The following TRIOBP variants were observed in gnomAD, a reference collection of about 807,000 sequenced individuals.
TRIOBP encodes the protein TRIO and F-actin binding protein.
In TRIOBP, 169 loss-of-function variants were observed where a neutral mutation model predicts 238.8. That is an observed-to-expected ratio of 0.71 (90% CI 0.62 to 0.80). The LOEUF is 0.80. Ranked by LOEUF, TRIOBP falls within the 30% of genes least tolerant of loss-of-function variation. The pLI, the probability that TRIOBP is intolerant of heterozygous loss-of-function variation, is 0.00. For synonymous variants in TRIOBP, 1,150 were observed against 1,274.4 expected (o/e 0.90, Z 2.08); for missense variants, 2,838 against 3,122.6 (o/e 0.91, Z 2.17).
At chr22:37,739,168 T>C (rs1280487830) in intron 10 of TRIOBP, among the ~76,000 whole-genome samples, 1 of 151,922 alleles carries the variant, frequency 6.6e-6, no homozygotes, top group Admixed American at 6.6e-5. Flanking sequence ...GAGAGATATG[T>C]GCGGGGGTGG....
chr22:37,750,482 A>G (rs768776509), intron 11 of TRIOBP, among the ~76,000 whole-genome samples: 28 of 152,188 alleles, frequency 1.8e-4, no homozygotes, highest in Admixed American at 5.9e-4. Context: ...GGGGAAGTGG[A>G]GCCAGGTGTG....
At chr22:37,719,438 T>C (rs775996405) in intron 6 of TRIOBP, among the ~76,000 whole-genome samples, 3 of 151,830 alleles carry the variant, frequency 2.0e-5, no homozygotes, top group Non-Finnish European at 4.4e-5. Context: ...TTGCGAGCCC[T>C]GAGGAAGAGG....
chr22:37,744,454 G>A (rs1925116384), intron 11 of TRIOBP, among the ~76,000 whole-genome samples: 1 of 152,210 alleles, frequency 6.6e-6, no homozygotes, highest in Admixed American at 6.5e-5. Context: ...CTGCCTAGAA[G>A]AGGAATGTAG....
At chr22:37,752,541 C>G (rs534073128) in intron 12 of TRIOBP, among the ~76,000 whole-genome samples, 1 of 152,360 alleles carries the variant, frequency 6.6e-6, no homozygotes, top group East Asian at 1.9e-4. Flanking sequence ...CTGCATGCGC[C>G]TGCTGCTCTG....
intron 17 of TRIOBP, among the ~76,000 whole-genome samples, chr22:37,762,847 G>C (rs544642547): frequency 4.6e-5 from 7 of 152,172 alleles, no homozygotes; most frequent in African/African-American, 1.7e-4. Context: ...CTTCCTTCAG[G>C]GGTTGGGGGC....
Position 37,774,889 on chromosome 22 carries a change from G to C in TRIOBP, c.*1109G>C, listed in dbSNP as rs1926959948. The C allele has an allele frequency of 6.6e-6, 1 of 152,172 alleles. No homozygotes were observed. Among genetic ancestry groups the C allele is most frequent in the Non-Finnish European group, 1.5e-5 (1 of 68,062 alleles). The allele number at this position is 152,172 out of a possible 1,614,324, so 9.4% of individuals were successfully genotyped here. A position where few individuals can be genotyped will look rare whatever the true frequency, so the allele number is the denominator to read the frequency against. ...AAGACTAGCCCTGACCATGACCTTG[G>C]GCAAGTCACACCCCTCACTGAGCCT... On this transcript the variant is annotated 3_prime_UTR_variant, in exon 24 of 24. Coordinates refer to ENST00000644935, the MANE Select transcript of TRIOBP (RefSeq NM_001039141.3).
At chr22:37,704,404 GAA>G (rs1922820185) in intron 3 of TRIOBP, among the ~76,000 whole-genome samples, 1 of 26,248 alleles carries the variant, frequency 3.8e-5, no homozygotes, top group Non-Finnish European at 1.7e-4. Context: ...GAACAGAACA[GAA>G]CAGAACAGAA....
intron 11 of TRIOBP, among the ~76,000 whole-genome samples, chr22:37,742,249 C>A (rs1202802226): frequency 1.4e-5 from 2 of 144,296 alleles, no homozygotes; most frequent in African/African-American, 2.6e-5. Context: ...TGAGCCACCA[C>A]GCCAGGCGTT....
Position 37,765,578 on chromosome 22 carries a change from C to T in TRIOBP, c.6325-92C>T, listed in dbSNP as rs545816167. The stretch of plus-strand genomic sequence containing the variant: ...CTGGGACCCAGGAGGAGGTGGTGTA[C>T]CTGCCCCTGAGCCTTCTCCTCTGGA... On this transcript the variant is annotated intron_variant, in intron 17 of 23. Coordinates refer to ENST00000644935, the MANE Select transcript of TRIOBP (RefSeq NM_001039141.3). 1.1e-4 allele frequency: 160 copies of T among 1,520,898 alleles called. No individual in the cohort carries two copies. In the African/African-American group the frequency reaches 2.0e-3, roughly 19 times the overall value. 94.2% of individuals were successfully genotyped at this position (1,520,898 alleles called of 1,614,324 possible). A position where few individuals can be genotyped will look rare whatever the true frequency, so the allele number is the denominator to read the frequency against.
At chr22:37,770,885 T>C (rs765857613) in intron 21 of TRIOBP, among the ~76,000 whole-genome samples, 38 of 151,922 alleles carry the variant, frequency 2.5e-4, no homozygotes, top group Non-Finnish European at 4.7e-4. Context: ...GGTTTCACCA[T>C]GTTAGCCGGG....
At chr22:37,759,308 T>C (rs1395493365) in intron 17 of TRIOBP, 44 bp downstream of exon 17, 1 of 1,581,196 alleles carries the variant, frequency 6.3e-7, no homozygotes, top group African/African-American at 1.3e-5. Context: ...GGCAGATTTC[T>C]GCTTGCCGTG....
rs770202790 is a variant in TRIOBP, at chr22:37,772,714, G to A, written c.7050G>A (p.Met2350Ile). The A allele has an allele frequency of 6.2e-7, 1 of 1,614,046 alleles. No homozygotes were observed. The highest frequency in any genetic ancestry group is 8.5e-7 in the Non-Finnish European group (1 of 1,180,022). Reference sequence around the variant, plus strand: ...TGAAGGAGCACCTGCGTCTTGCCATGGCCGCCCTCCAGGAGAAGGAGTCGA... The same window carrying A: ...TGAAGGAGCACCTGCGTCTTGCCATAGCCGCCCTCCAGGAGAAGGAGTCGA... ...EQLKEHLRLA[M>I]AALQEKESMR... Residue 2350 changes from methionine (M) to isoleucine (I), a missense_variant, in exon 23 of 24, where the codon ATG becomes ATA. By Grantham distance (10) the Met-to-Ile change is conservative. Coordinates refer to ENST00000644935, the MANE Select transcript of TRIOBP (RefSeq NM_001039141.3).
At chr22:37,751,667 G>T in intron 11 of TRIOBP, 105 bp from the exon 12 acceptor site, 8 of 1,339,612 alleles carry the variant, frequency 6.0e-6, no homozygotes, top group Non-Finnish European at 8.5e-6. Context: ...CCAGGAGCTC[G>T]GTCCCACAGG....
intron 5 of TRIOBP, among the ~76,000 whole-genome samples, chr22:37,715,385 C>T (rs967260695): frequency 2.0e-5 from 3 of 151,480 alleles, no homozygotes; most frequent in African/African-American, 7.3e-5. Context: ...CTCTGTCACC[C>T]AGGCTGGAGC....
At chr22:37,769,523 T>C in intron 21 of TRIOBP, 148 bp downstream of exon 21, 1 of 778,390 alleles carries the variant, frequency 1.3e-6, no homozygotes, top group Non-Finnish European at 2.2e-6. Flanking sequence ...GAACACCTAC[T>C]GTGCATCCAG....
intron 9 of TRIOBP, among the ~76,000 whole-genome samples, chr22:37,737,789 A>G (rs2145845161): frequency 1.3e-5 from 2 of 152,148 alleles, no homozygotes; most frequent in South Asian, 4.2e-4. Flanking sequence ...GCCTTTGCAC[A>G]TGCTCTTCCC....
At chr22:37,729,352 A>T (rs762156924) in intron 7 of TRIOBP, among the ~76,000 whole-genome samples, 1 of 151,966 alleles carries the variant, frequency 6.6e-6, no homozygotes, top group Non-Finnish European at 1.5e-5. Flanking sequence ...AGTAGCTGGG[A>T]CTACAGGCGT....
At chr22:37,700,463 C>T (rs5750476) in intron 2 of TRIOBP, among the ~76,000 whole-genome samples, 110,868 of 149,198 alleles carry the variant, frequency 0.74, 41,374 homozygotes, top group East Asian at 0.83. Context: ...TTTTTTTTTT[C>T]TCAGTGCAGT....
intron 11 of TRIOBP, among the ~76,000 whole-genome samples, chr22:37,748,992 G>A (rs372808386): frequency 4.6e-5 from 7 of 152,290 alleles, no homozygotes; most frequent in East Asian, 1.9e-4. Context: ...TCAGCAAGGG[G>A]AGGCCAGGCT....
Sources: gnomAD v4.1 joint callset for allele counts (sites outside exome capture counted in the v4.1 genomes callset) on GRCh38, gnomAD v4.1.1 for gene constraint, MANE v1.5 for transcripts, NCBI Gene and HGNC (gene_info 2026-07-23, HGNC 2026-07-21) for gene names.